The following IGSF10 variants were observed in gnomAD, a reference collection of about 807,000 sequenced individuals.
IGSF10 encodes the protein calvaria mechanical force protein 608.
A neutral mutation model predicts 128.2 loss-of-function variants in IGSF10; 126 were observed. The observed-to-expected ratio is 0.98, with a 90% CI of 0.85 to 1.14. The LOEUF (loss-of-function observed/expected upper bound fraction) is 1.14. Ranked by LOEUF, IGSF10 falls within the 50% of genes most tolerant of loss-of-function variation. The pLI is 0.00. For synonymous variants in IGSF10, 1,185 were observed against 1,146.2 expected (o/e 1.03, Z -0.68); for missense variants, 3,295 against 3,149.8 (o/e 1.05, Z -1.10).
downstream of IGSF10, chr3:151,436,012 A>G (rs1423746626): frequency 6.6e-6 from 1 of 152,222 alleles, no homozygotes; most frequent in African/African-American, 2.4e-5. Context: ...AACCTTTTTA[A>G]TGGGTGTATT....
the IGSF10 span, among the ~76,000 whole-genome samples, chr3:151,524,868 T>C: frequency 6.6e-6 from 1 of 152,090 alleles, no homozygotes; most frequent in South Asian, 2.1e-4. Flanking sequence ...TGGATTTTGA[T>C]TTTTTCCTTC....
the IGSF10 span, among the ~76,000 whole-genome samples, chr3:151,595,781 A>C: frequency 6.7e-6 from 1 of 150,184 alleles, no homozygotes; most frequent in Non-Finnish European, 1.5e-5. Flanking sequence ...GGTGGTTACT[A>C]GGGGAAGGAG....
In IGSF10 at chr3:151,436,453, A is replaced by ATTTG. The variant is rs1386378682; in HGVS notation, c.*232_*235dup. 1 of 384,126 alleles carries ATTTG rather than the reference A, an allele frequency of 2.6e-6. No homozygotes were observed. 23.8% of individuals were successfully genotyped at this position (384,126 alleles called of 1,614,324 possible). A position where few individuals can be genotyped will look rare whatever the true frequency, so the allele number is the denominator to read the frequency against. On this transcript the variant is annotated 3_prime_UTR_variant, in exon 8 of 8. Coordinates refer to ENST00000282466, the MANE Select transcript of IGSF10 (RefSeq NM_178822.5). The stretch of plus-strand genomic sequence containing the variant: ...ACCGTTTCAATGTTTGTTTATTGTT[A>ATTTG]TTTGTTGGCAAAATAAAAGTGCCTT...
chr3:151,537,258 C>T, the IGSF10 span, among the ~76,000 whole-genome samples: 1 of 152,138 alleles, frequency 6.6e-6, no homozygotes, highest in Admixed American at 6.5e-5. Flanking sequence ...AGCACTGAGT[C>T]ATAGCAACAT....
At chr3:151,537,082 T>TA in the IGSF10 span, among the ~76,000 whole-genome samples, 1 of 152,180 alleles carries the variant, frequency 6.6e-6, no homozygotes, top group Non-Finnish European at 1.5e-5. Context: ...TGCAAGGATT[T>TA]AATATGGGGG....
upstream of IGSF10, among the ~76,000 whole-genome samples, chr3:151,463,523 G>GGTTTT (rs1553837068): frequency 1.3e-4 from 4 of 31,290 alleles, no homozygotes; most frequent in South Asian, 2.6e-3. Context: ...ACATTTTCTG[G>GGTTTT]TTTTTTTTTT....
the IGSF10 span, among the ~76,000 whole-genome samples, chr3:151,522,831 G>T: frequency 2.0e-5 from 3 of 152,050 alleles, no homozygotes; most frequent in Non-Finnish European, 4.4e-5. Flanking sequence ...TGGAAGTTCT[G>T]GCCAGGACAA....
chr3:151,529,269 G>A, the IGSF10 span, among the ~76,000 whole-genome samples: 1 of 152,216 alleles, frequency 6.6e-6, no homozygotes, highest in South Asian at 2.1e-4. Flanking sequence ...AGGGGCAGCT[G>A]TGGGCGCAGC....
At chr3:151,471,650 T>C in the IGSF10 span, among the ~76,000 whole-genome samples, 1 of 152,166 alleles carries the variant, frequency 6.6e-6, no homozygotes, top group Non-Finnish European at 1.5e-5. Flanking sequence ...CTATGAGGGT[T>C]TTTCACATCT....
chr3:151,470,715 C>T, the IGSF10 span, among the ~76,000 whole-genome samples: 7 of 151,734 alleles, frequency 4.6e-5, no homozygotes, highest in African/African-American at 1.7e-4. Context: ...GCAATTATAC[C>T]CAGTCACTAA....
the IGSF10 span, among the ~76,000 whole-genome samples, chr3:151,483,645 G>A: frequency 5.1e-3 from 778 of 152,238 alleles, 8 homozygotes; most frequent in African/African-American, 0.018. Flanking sequence ...TTGGACAATA[G>A]GTGCAGCCCA....
chr3:151,453,458 AG>A lies in IGSF10; in HGVS notation c.640del (p.Leu214PhefsTer14), dbSNP rs1200850899. 1 of 1,614,014 alleles carries A rather than the reference AG, an allele frequency of 6.2e-7. No homozygotes were observed. Among genetic ancestry groups the A allele is most frequent in the Admixed American group, 1.7e-5 (1 of 59,998 alleles). On this transcript the variant is annotated frameshift_variant, in exon 5 of 8. Coordinates refer to ENST00000282466, the MANE Select transcript of IGSF10 (RefSeq NM_178822.5). LOFTEE classifies it high-confidence loss of function. ...MVSYMPDLDS[L>X]YLHGNPWTCD... ...GGTCCATGGGTTTCCATGCAGGTAA[AG>A]GCTGTCTAGGTCAGGCATATAGGAG...
At chr3:151,460,097 G>A (rs1721982357) in intron 2 of IGSF10, among the ~76,000 whole-genome samples, 164 bp downstream of exon 2, 1 of 152,238 alleles carries the variant, frequency 6.6e-6, no homozygotes, top group African/African-American at 2.4e-5. Flanking sequence ...GGAAGGAACA[G>A]CAGGATGAAG....
chr3:151,521,368 T>C, the IGSF10 span, among the ~76,000 whole-genome samples: 2 of 151,952 alleles, frequency 1.3e-5, no homozygotes, highest in Admixed American at 1.3e-4. Flanking sequence ...ATGGATTTGA[T>C]ATACCTTTAC....
chr3:151,549,244 A>G, the IGSF10 span, among the ~76,000 whole-genome samples: 1 of 152,056 alleles, frequency 6.6e-6, no homozygotes, highest in Non-Finnish European at 1.5e-5. Context: ...CCTGGTGTCA[A>G]TATTTTTATC....
the IGSF10 span, among the ~76,000 whole-genome samples, chr3:151,525,002 CTT>C: frequency 2.6e-4 from 13 of 49,714 alleles, no homozygotes; most frequent in Admixed American, 3.6e-4. Flanking sequence ...TGCATTACAC[CTT>C]TTTTTTTTTT....
chr3:151,503,325 A>G, the IGSF10 span, among the ~76,000 whole-genome samples: 2 of 152,238 alleles, frequency 1.3e-5, no homozygotes, highest in East Asian at 3.9e-4. Flanking sequence ...CAGTTAAAAC[A>G]TAAGTCACAG....
the IGSF10 span, among the ~76,000 whole-genome samples, chr3:151,589,846 G>A: frequency 6.6e-6 from 1 of 152,050 alleles, no homozygotes; most frequent in Non-Finnish European, 1.5e-5. Context: ...CCAAAGGAAA[G>A]GTTTTCTTTT....
At chr3:151,512,048 A>G in the IGSF10 span, among the ~76,000 whole-genome samples, 1 of 152,230 alleles carries the variant, frequency 6.6e-6, no homozygotes, top group Non-Finnish European at 1.5e-5. Context: ...AACATTAGAC[A>G]GATCAACTAG....
Sources: allele counts gnomAD v4.1 joint callset (sites outside exome capture counted in the v4.1 genomes callset), GRCh38; gene constraint gnomAD v4.1.1; transcripts MANE v1.5; gene names NCBI Gene and HGNC (gene_info 2026-07-23, HGNC 2026-07-21).